DGKK: variants seen among roughly 807,000 people sequenced by gnomAD.
The protein encoded by DGKK is diacylglycerol kinase kappa.
In DGKK, 35 loss-of-function variants were observed where a neutral mutation model predicts 92.2. That is an observed-to-expected ratio of 0.38 (90% CI 0.29 to 0.50). The LOEUF (loss-of-function observed/expected upper bound fraction) is 0.50, where lower values mean the gene tolerates loss of function less well. Ranked by LOEUF, DGKK falls within the 20% of genes least tolerant of loss-of-function variation. The probability of loss-of-function intolerance (pLI) is 0.92; values close to 1 mark genes in which losing one functional copy is unlikely to be tolerated. For synonymous variants in DGKK, 368 were observed against 360.6 expected, an observed-to-expected ratio of 1.02 and a Z score of -0.23; for missense variants, 910 against 992.2, an observed-to-expected ratio of 0.92 and a Z score of 1.11.
chrX:50,431,629 C>A (rs1187542157), intron 1 of DGKK, among the ~76,000 whole-genome samples: 1 of 111,474 alleles, frequency 9.0e-6, no homozygotes, highest in Admixed American at 9.5e-5. Context: ...GTCCAAAGAC[C>A]TGGAACATCT....
intron 4 of DGKK, among the ~76,000 whole-genome samples, chrX:50,408,371 C>T (rs1925212879): frequency 8.9e-6 from 1 of 112,080 alleles, no homozygotes; most frequent in Non-Finnish European, 1.9e-5. Context: ...TTATTCCTTC[C>T]ATTTTATCCC....
rs1438278898 is a variant in DGKK, at chrX:50,365,788, T to TTTTCCTGAGGGAAAAA, written c.*3151_*3152insTTTTTCCCTCAGGAAA. ...TCTCGTGAAAGAAAAATTCTTCCAT[T>TTTTCCTGAGGGAAAAA]TGTGTCCTGAGGGAAGATGACGTTG... On this transcript the variant is annotated 3_prime_UTR_variant, in exon 28 of 28. Coordinates refer to ENST00000611977, the MANE Select transcript of DGKK (RefSeq NM_001013742.4). 36 of 111,918 alleles carry TTTTCCTGAGGGAAAAA rather than the reference T, an allele frequency of 3.2e-4. No homozygotes were observed. Among genetic ancestry groups the TTTTCCTGAGGGAAAAA allele is most frequent in the African/African-American group, 1.0e-3 (32 of 30,771 alleles). 9.2% of individuals were successfully genotyped at this position (111,918 alleles called of 1,213,427 possible). A position where few individuals can be genotyped will look rare whatever the true frequency, so the allele number is the denominator to read the frequency against.
chrX:50,377,941 G>C (rs1038675202), intron 22 of DGKK, among the ~76,000 whole-genome samples, 157 bp downstream of exon 22: 12 of 110,996 alleles, frequency 1.1e-4, no homozygotes, highest in African/African-American at 3.9e-4. Context: ...TGGTGTGGGG[G>C]CCCAAGAATG....
intron 1 of DGKK, among the ~76,000 whole-genome samples, chrX:50,435,736 T>TGAGAGA (rs782053248): frequency 1.9e-5 from 2 of 105,881 alleles, no homozygotes; most frequent in African/African-American, 6.9e-5. Context: ...TGTGTGTGTA[T>TGAGAGA]GAGAGAGAGA....
intron 4 of DGKK, among the ~76,000 whole-genome samples, chrX:50,419,046 C>G (rs782509141): frequency 4.5e-5 from 5 of 111,637 alleles, no homozygotes; most frequent in Admixed American, 2.8e-4. Context: ...ATGACTGCCT[C>G]TAATGTTGTA....
rs150594621 is a variant in DGKK at position 50,454,547 on chromosome X, A to G, written c.645+15487T>C. Reference sequence around the variant, plus strand: ...CTCCTACTCAAGAACATTAATTAATATCCTGCTATACATAATAAGGTCCAA... The same window carrying G: ...CTCCTACTCAAGAACATTAATTAATGTCCTGCTATACATAATAAGGTCCAA... On this transcript the variant is annotated intron_variant, in intron 1 of 27. Coordinates refer to ENST00000611977, the MANE Select transcript of DGKK (RefSeq NM_001013742.4). Among the ~76,000 whole-genome samples, 539 of 111,777 alleles carry G rather than the reference A, an allele frequency of 4.8e-3. 7 individuals carry two copies. Among genetic ancestry groups the G allele is most frequent in the Non-Finnish European group, 8.1e-3 (430 of 53,089 alleles).
At chrX:50,382,037 G>GC (rs1434405152) in intron 18 of DGKK, among the ~76,000 whole-genome samples, 6 of 111,657 alleles carry the variant, frequency 5.4e-5, no homozygotes. Context: ...TGCCATGCAG[G>GC]CCAACACTGG....
intron 12 of DGKK, 22 bp from the exon 13 acceptor site, chrX:50,388,640 A>G: frequency 9.0e-7 from 1 of 1,116,181 alleles, no homozygotes; most frequent in Non-Finnish European, 1.2e-6. Flanking sequence ...AGGAGTTCTT[A>G]GCCCTGGAAT....
intron 18 of DGKK, among the ~76,000 whole-genome samples, chrX:50,380,496 T>A (rs1924388548): frequency 9.0e-6 from 1 of 110,912 alleles, no homozygotes; most frequent in Non-Finnish European, 1.9e-5. Context: ...TAGAGTGCAA[T>A]TTTTTTTGAA....
At chrX:50,458,826 T>C (rs1926673781) in intron 1 of DGKK, among the ~76,000 whole-genome samples, 1 of 111,662 alleles carries the variant, frequency 9.0e-6, no homozygotes, top group East Asian at 2.8e-4. Context: ...TTTCAATCAG[T>C]ACCCTATGAT....
chrX:50,401,098 G>A lies in DGKK; in HGVS notation c.1350C>T (p.Cys450=). The A allele has an allele frequency of 1.7e-6, 2 of 1,202,598 alleles. No individual in the cohort carries two copies. Among genetic ancestry groups the A allele is most frequent in the Non-Finnish European group, 2.2e-6 (2 of 890,950 alleles). ...DCRRRFSKEC[C]FRSHRSSVIP... Reference sequence around the variant, plus strand: ...TGACTGATGAGCGATGGCTTCTGAAGCAACATTCCTTGGAAAACCGTCTCC... The same window carrying A: ...TGACTGATGAGCGATGGCTTCTGAAACAACATTCCTTGGAAAACCGTCTCC... Residue 450 remains cysteine, a synonymous_variant, in exon 8 of 28, where the codon TGC becomes TGT. Transcript: ENST00000611977.
chrX:50,383,280 C>T (rs1282083610), intron 17 of DGKK, among the ~76,000 whole-genome samples: 1 of 110,726 alleles, frequency 9.0e-6, no homozygotes, highest in African/African-American at 3.3e-5. Flanking sequence ...GGGTTTACAC[C>T]ATAAATGAAT....
At chrX:50,438,693 T>A (rs782426678) in intron 1 of DGKK, among the ~76,000 whole-genome samples, 1 of 111,747 alleles carries the variant, frequency 8.9e-6, no homozygotes, top group Non-Finnish European at 1.9e-5. Context: ...ATTCTGAACT[T>A]CATGGAGTTT....
chrX:50,427,963 A>G (rs1487021231), intron 1 of DGKK, among the ~76,000 whole-genome samples: 1 of 111,084 alleles, frequency 9.0e-6, no homozygotes, highest in Non-Finnish European at 1.9e-5. Context: ...TGGAATATTC[A>G]TTGAAAAATA....
chrX:50,396,967 G>A (rs782466260), intron 8 of DGKK, among the ~76,000 whole-genome samples: 4 of 112,095 alleles, frequency 3.6e-5, no homozygotes, highest in African/African-American at 6.5e-5. Flanking sequence ...TGGAGGAAGA[G>A]ATACTTAATG....
In DGKK at chrX:50,470,269, G is replaced by C. The variant is rs1927028253; in HGVS notation, c.410C>G (p.Pro137Arg). ...PEPALESVPE[P>R]APELTPEVAP... is the part of the protein sequence containing the mutation. ...AACTTCTGGAGTCAGCTCTGGGGCC[G>C]GCTCTGGGACCGACTCTAGGGCAGG... The change falls in exon 1 of 28, where the codon CCG becomes CGG. Residue 137 changes from proline to arginine, a missense_variant. Pro to Arg is a moderately radical substitution (Grantham distance 103). Coordinates refer to ENST00000611977, the MANE Select transcript of DGKK (RefSeq NM_001013742.4). 3 of 1,207,071 alleles carry C rather than the reference G, an allele frequency of 2.5e-6. No homozygotes were observed. The highest frequency in any genetic ancestry group is 2.2e-5 in the Admixed American group (1 of 45,665).
chrX:50,449,950 A>C (rs1926458012), intron 1 of DGKK, among the ~76,000 whole-genome samples: 1 of 111,927 alleles, frequency 8.9e-6, no homozygotes. Flanking sequence ...TTGAGAAACA[A>C]GGCACACATT....
Position 50,379,672 on chromosome X carries a change from G to A in DGKK, c.2817C>T (p.Ser939=). 1 of 1,211,536 alleles carries A rather than the reference G, an allele frequency of 8.3e-7. No individual in the cohort carries two copies. The highest frequency in any genetic ancestry group is 1.1e-6 in the Non-Finnish European group (1 of 895,294). Residue 939 remains serine (S), a synonymous_variant, in exon 20 of 28, where the codon AGC becomes AGT. Coordinates refer to ENST00000611977, the MANE Select transcript of DGKK (RefSeq NM_001013742.4). ...CCCAGAAGTTGATACCTCCAGCATA[G>A]CTGGTAATGTTGAGCACTACAATGC... The part of the protein sequence containing the change: ...LQGIVVLNIT[S]YAGGINFWGS...
intron 1 of DGKK, among the ~76,000 whole-genome samples, chrX:50,433,775 G>A (rs1557230512): frequency 9.0e-6 from 1 of 111,343 alleles, no homozygotes; most frequent in African/African-American, 3.3e-5. Flanking sequence ...ATAAGTGGAA[G>A]CTTCATGGGA....
Sources: gnomAD v4.1 joint callset for allele counts (sites outside exome capture counted in the v4.1 genomes callset) on GRCh38, gnomAD v4.1.1 for gene constraint, MANE v1.5 for transcripts, NCBI Gene and HGNC (gene_info 2026-07-23, HGNC 2026-07-21) for gene names.